The following FGGY variants were observed in gnomAD, a reference collection of about 807,000 sequenced individuals.
The protein encoded by FGGY is FGGY carbohydrate kinase domain containing, also known as FGGY carbohydrate kinase domain-containing protein.
Under a neutral mutation model 71.3 loss-of-function variants are expected in FGGY, and 72 were observed. The ratio of observed to expected loss-of-function variants is 1.01; its 90% confidence interval spans 0.84 to 1.23. The LOEUF (loss-of-function observed/expected upper bound fraction) is 1.23. Ranked by LOEUF, FGGY falls within the 50% of genes most tolerant of loss-of-function variation. FGGY has a pLI of 0.00. For synonymous variants in FGGY, 251 were observed against 250.3 expected (o/e 1.00, Z -0.02); for missense variants, 668 against 682.3 (o/e 0.98, Z 0.23).
chr1:59,636,955 C>T (rs765890972), intron 10 of FGGY, among the ~76,000 whole-genome samples: 1 of 152,144 alleles, frequency 6.6e-6, no homozygotes, highest in Non-Finnish European at 1.5e-5. Flanking sequence ...TTTAAAGAGA[C>T]TTCCAAGGAC....
At chr1:59,397,652 C>G (rs1296885733) in intron 5 of FGGY, among the ~76,000 whole-genome samples, 1 of 150,580 alleles carries the variant, frequency 6.6e-6, no homozygotes, top group Non-Finnish European at 1.5e-5. Flanking sequence ...AGCACCATCC[C>G]ACTTCACAGG....
intron 5 of FGGY, among the ~76,000 whole-genome samples, chr1:59,400,430 A>G (rs2061805764): frequency 6.6e-6 from 1 of 152,204 alleles, no homozygotes; most frequent in Non-Finnish European, 1.5e-5. Flanking sequence ...CATCCTTCAT[A>G]GCCTCAAAAC....
At chr1:59,713,596 T>A (rs1317332) in intron 14 of FGGY, among the ~76,000 whole-genome samples, 96 of 152,354 alleles carry the variant, frequency 6.3e-4, no homozygotes, top group Admixed American at 1.2e-3. Context: ...GGTATTAAAA[T>A]CTCCTTTTGG....
chr1:59,312,676 A>T (rs2044583344), intron 1 of FGGY, among the ~76,000 whole-genome samples: 1 of 152,104 alleles, frequency 6.6e-6, no homozygotes, highest in Non-Finnish European at 1.5e-5. Flanking sequence ...TTCATCCATG[A>T]TATCTTTAGG....
At chr1:59,340,262 G>A (rs993816051) in intron 3 of FGGY, among the ~76,000 whole-genome samples, 193 bp downstream of exon 3, 1 of 152,290 alleles carries the variant, frequency 6.6e-6, no homozygotes, top group East Asian at 1.9e-4. Flanking sequence ...TGGTGTTGAC[G>A]CTGGATTAGG....
rs574920083 is a variant in FGGY at position 59,698,729 on chromosome 1, T to A, written c.1512+24596T>A. 7.1e-6 allele frequency: 7 copies of A among 984,582 alleles called. No individual in the cohort carries two copies. In the South Asian group the frequency reaches 2.4e-4, roughly 33 times the overall value. The allele number at this position is 984,582 out of a possible 1,614,324, so 61.0% of individuals were successfully genotyped here. ...ATGAATCCATTACCTTTCACCAGAG[T>A]TGAGTTCGTTTTCCATTTCATCTTT... On this transcript the variant is annotated intron_variant, in intron 14 of 15. Transcript: ENST00000303721.
chr1:59,482,781 C>A (rs1226501653), intron 6 of FGGY, among the ~76,000 whole-genome samples: 2 of 151,876 alleles, frequency 1.3e-5, no homozygotes, highest in Non-Finnish European at 2.9e-5. Flanking sequence ...CATCACAAAG[C>A]TAAGAGGTTG....
Position 59,378,147 on chromosome 1 carries a change from CTG to C in FGGY, c.466-599_466-598del, listed in dbSNP as rs2058899789. ...GAAAATGGATTGCATACCTTACAGA[CTG>C]TGCTTTTGATATGGTTTGGCTGTGT... On this transcript the variant is annotated intron_variant, in intron 4 of 15. Transcript: ENST00000303721. 2.0e-5 allele frequency among the ~76,000 whole-genome samples: 3 copies of C among 152,132 alleles called. No individual in the cohort carries two copies. The South Asian group carries it at 6.2e-4, about 32-fold the overall frequency.
intron 7 of FGGY, among the ~76,000 whole-genome samples, chr1:59,536,013 A>G (rs1387673871): frequency 6.6e-6 from 1 of 151,166 alleles, no homozygotes; most frequent in Non-Finnish European, 1.5e-5. Context: ...CAAGACACAA[A>G]AAACCCTTCA....
chr1:59,435,506 G>A (rs183243536), intron 5 of FGGY, among the ~76,000 whole-genome samples: 15 of 152,106 alleles, frequency 9.9e-5, no homozygotes, highest in African/African-American at 3.4e-4. Context: ...AGCCTTGCCC[G>A]CCCCTCATGC....
chr1:59,673,223 A>C (rs1257223252), intron 13 of FGGY, among the ~76,000 whole-genome samples: 4 of 152,222 alleles, frequency 2.6e-5, no homozygotes, highest in Non-Finnish European at 4.4e-5. Context: ...TAAGGGGGTA[A>C]GGAGTGTTGA....
At chr1:59,613,249 T>C (rs1405656374) in intron 9 of FGGY, among the ~76,000 whole-genome samples, 1 of 152,184 alleles carries the variant, frequency 6.6e-6, no homozygotes, top group East Asian at 1.9e-4. Flanking sequence ...TAGTTGGAAG[T>C]AAAGACGTCC....
At chr1:59,386,937 A>G (rs1438927873) in intron 5 of FGGY, among the ~76,000 whole-genome samples, 2 of 152,100 alleles carry the variant, frequency 1.3e-5, no homozygotes, top group Admixed American at 1.3e-4. Flanking sequence ...CCTCCATTAT[A>G]ATGTATAATT....
chr1:59,453,031 T>C (rs549863327), intron 5 of FGGY, among the ~76,000 whole-genome samples: 43 of 152,364 alleles, frequency 2.8e-4, no homozygotes, highest in African/African-American at 1.0e-3. Flanking sequence ...CTGCTGCTAG[T>C]ACCTTGCCTT....
chr1:59,461,500 G>C (rs2092212917), intron 6 of FGGY, among the ~76,000 whole-genome samples: 1 of 152,152 alleles, frequency 6.6e-6, no homozygotes, highest in Middle Eastern at 3.2e-3. Flanking sequence ...ACACATTTCA[G>C]GATATTATCC....
intron 2 of FGGY, among the ~76,000 whole-genome samples, chr1:59,327,342 A>G (rs574859322): frequency 2.0e-5 from 3 of 152,324 alleles, no homozygotes; most frequent in Admixed American, 2.0e-4. Context: ...TCTTTATCAG[A>G]AGTAGATTCC....
chr1:59,571,087 G>T (rs2153734085), intron 8 of FGGY, among the ~76,000 whole-genome samples: 1 of 152,326 alleles, frequency 6.6e-6, no homozygotes, highest in South Asian at 2.1e-4. Flanking sequence ...TCCAGGTGCA[G>T]AGTAGTGGAA....
intron 4 of FGGY, among the ~76,000 whole-genome samples, chr1:59,374,379 G>A (rs981046954): frequency 1.3e-5 from 2 of 152,186 alleles, no homozygotes; most frequent in African/African-American, 2.4e-5. Context: ...AGTTAGAATG[G>A]TGATCTTTAA....
At chr1:59,630,850 A>C (rs2096901776) in intron 10 of FGGY, among the ~76,000 whole-genome samples, 1 of 152,106 alleles carries the variant, frequency 6.6e-6, no homozygotes, top group African/African-American at 2.4e-5. Context: ...ACATAACTTC[A>C]AACCCACTTC....
Sources: gnomAD v4.1 joint callset for allele counts (sites outside exome capture counted in the v4.1 genomes callset) on GRCh38, gnomAD v4.1.1 for gene constraint, MANE v1.5 for transcripts, NCBI Gene and HGNC (gene_info 2026-07-23, HGNC 2026-07-21) for gene names.